The following CLMN variants were observed in gnomAD, a reference collection of about 807,000 sequenced individuals.
The protein encoded by CLMN is calmin (calponin-like, transmembrane).
In CLMN, 57 loss-of-function variants were observed where a neutral mutation model predicts 92.7. That is an observed-to-expected ratio of 0.61 (90% confidence interval 0.50 to 0.77). The LOEUF is 0.77. Among genes scored for constraint, CLMN ranks in the 30% least tolerant of loss-of-function variants. CLMN has a pLI of 0.00. For synonymous variants in CLMN, 466 were observed against 470.6 expected (o/e 0.99, Z 0.13); for missense variants, 1,158 against 1,237.5 (o/e 0.94, Z 0.96).
At chr14:95,279,818 T>G (rs1900076597) in intron 1 of CLMN, among the ~76,000 whole-genome samples, 1 of 152,174 alleles carries the variant, frequency 6.6e-6, no homozygotes, top group Non-Finnish European at 1.5e-5. Context: ...AATCACTTAC[T>G]TACTGGCTTT....
At position 95,215,721 on chromosome 14, in the gene CLMN, T is replaced by C. The variant is rs758823659; in HGVS notation, c.337A>G (p.Ser113Gly). The change falls in exon 5 of 13, where the codon AGC becomes GGC. Residue 113 changes from serine to glycine, a missense_variant. Ser to Gly is a moderately conservative substitution (Grantham distance 56). Coordinates refer to ENST00000298912, the MANE Select transcript of CLMN (RefSeq NM_024734.4). ...FLEDSNVKLVSIDAAEIADGN... is the reference protein window; with the variant it reads ...FLEDSNVKLVGIDAAEIADGN... ...TCTGCTATTTCTGCTGCATCAATGC[T>C]AACCAGTTTTACCTGGAGGGAAGCA... is the stretch of plus-strand genomic sequence containing the variant. 8.1e-6 allele frequency: 13 copies of C among 1,614,004 alleles called. No individual in the cohort carries two copies. The highest frequency in any genetic ancestry group is 1.1e-5 in the Non-Finnish European group (13 of 1,179,982).
chr14:95,287,109 A>G (rs902643307), intron 1 of CLMN, among the ~76,000 whole-genome samples: 1 of 152,110 alleles, frequency 6.6e-6, no homozygotes, highest in Non-Finnish European at 1.5e-5. Flanking sequence ...CTTGCCTCCT[A>G]TCTTCCCTCC....
intron 8 of CLMN, among the ~76,000 whole-genome samples, chr14:95,206,493 A>G (rs1051948159): frequency 2.6e-5 from 4 of 152,240 alleles, no homozygotes; most frequent in African/African-American, 9.6e-5. Context: ...ACATTTACCA[A>G]AAGAAACCAT....
intron 8 of CLMN, 35 bp from the exon 9 acceptor site, chr14:95,204,498 A>C (rs576788272): frequency 6.8e-5 from 103 of 1,520,540 alleles, no homozygotes; most frequent in Non-Finnish European, 8.6e-5. Context: ...AAACAAAAAA[A>C]AACAAAAGAA....
chr14:95,311,598 G>T (rs765995321), intron 1 of CLMN, among the ~76,000 whole-genome samples: 2 of 152,160 alleles, frequency 1.3e-5, no homozygotes, highest in African/African-American at 2.4e-5. Context: ...AGAAGCACTA[G>T]AACACAAGGG....
At chr14:95,237,298 T>G (rs1046170112) in intron 1 of CLMN, among the ~76,000 whole-genome samples, 2 of 152,182 alleles carry the variant, frequency 1.3e-5, no homozygotes, top group African/African-American at 4.8e-5. Flanking sequence ...CCAAGCGCCT[T>G]TAGACAAGTA....
intron 1 of CLMN, among the ~76,000 whole-genome samples, chr14:95,305,734 C>A (rs143115748): frequency 2.6e-5 from 4 of 152,290 alleles, no homozygotes; most frequent in Non-Finnish European, 5.9e-5. Flanking sequence ...CCAGCACCAA[C>A]GCAGGTCACC....
intron 1 of CLMN, among the ~76,000 whole-genome samples, chr14:95,243,318 T>A (rs1046379517): frequency 6.6e-6 from 1 of 152,136 alleles, no homozygotes; most frequent in African/African-American, 2.4e-5. Context: ...GGTGGATTGA[T>A]GGGGTGATAG....
chr14:95,243,665 C>A (rs1898345756), intron 1 of CLMN, among the ~76,000 whole-genome samples: 1 of 150,044 alleles, frequency 6.7e-6, no homozygotes, highest in African/African-American at 2.5e-5. Context: ...AAAAAAAATC[C>A]AAGGTAAAAT....
In CLMN at chr14:95,183,016, C is replaced by T. The variant is rs1021204988; in HGVS notation, c.*8548G>A. 6.6e-6 allele frequency: 1 copy of T among 152,238 alleles called. No homozygotes were observed. Among genetic ancestry groups the T allele is most frequent in the African/African-American group, 2.4e-5 (1 of 41,468 alleles). 9.4% of individuals were successfully genotyped at this position (152,238 alleles called of 1,614,324 possible). ...CTTTGGGCTGATATACAGAGGTACA[C>T]TTGCTTTAAGCAAATAGGCCACTTA... On this transcript the variant is annotated 3_prime_UTR_variant, in exon 13 of 13. Coordinates refer to ENST00000298912, the MANE Select transcript of CLMN (RefSeq NM_024734.4).
intron 2 of CLMN, among the ~76,000 whole-genome samples, chr14:95,228,368 T>C (rs191976143): frequency 2.6e-5 from 4 of 152,228 alleles, no homozygotes; most frequent in South Asian, 4.2e-4. Flanking sequence ...TCAAAACAAC[T>C]GGTTGATGAT....
Position 95,189,616 on chromosome 14 carries a change from G to A in CLMN, c.*1948C>T, listed in dbSNP as rs1256892029. 1 of 152,240 alleles carries A rather than the reference G, an allele frequency of 6.6e-6. No individual in the cohort carries two copies. The highest frequency in any genetic ancestry group is 6.5e-5 in the Admixed American group (1 of 15,290). 9.4% of individuals were successfully genotyped at this position (152,240 alleles called of 1,614,324 possible). A position where few individuals can be genotyped will look rare whatever the true frequency, so the allele number is the denominator to read the frequency against. ...TGAACAAGGTCTAGACCCATAAAATGAAATGATTCACATTTGGGTTGGCTC... is the reference window on the plus strand; with the variant it reads ...TGAACAAGGTCTAGACCCATAAAATAAAATGATTCACATTTGGGTTGGCTC... On this transcript the variant is annotated 3_prime_UTR_variant, in exon 13 of 13. Coordinates refer to ENST00000298912, the MANE Select transcript of CLMN (RefSeq NM_024734.4).
chr14:95,213,382 T>A lies in CLMN; in HGVS notation c.445A>T (p.Arg149Ter). Residue 149 changes from arginine (R) to a stop codon, truncating the protein, a stop_gained, in exon 6 of 13, where the codon AGA becomes TGA. Coordinates refer to ENST00000298912, the MANE Select transcript of CLMN (RefSeq NM_024734.4). LOFTEE classifies it high-confidence loss of function. ...GACAAGCTGGAAGATGGAGAGTTTCTGCTGAGGTTGCCTGTGAGCTCCTTA... is the reference window on the plus strand; with the variant it reads ...GACAAGCTGGAAGATGGAGAGTTTCAGCTGAGGTTGCCTGTGAGCTCCTTA... ...QIKELTGNLS[R>*]NSPSSSLSPG... 1 of 1,610,752 alleles carries A rather than the reference T, an allele frequency of 6.2e-7. No homozygotes were observed. Among genetic ancestry groups the A allele is most frequent in the Admixed American group, 1.7e-5 (1 of 58,980 alleles).
chr14:95,229,540 G>T (rs1177048262), intron 2 of CLMN, among the ~76,000 whole-genome samples: 1 of 152,126 alleles, frequency 6.6e-6, no homozygotes, highest in Admixed American at 6.6e-5. Flanking sequence ...TGATAGGAGG[G>T]GGGTAATTCA....
rs757724639 is a variant in CLMN, at chr14:95,191,765, C to T, written c.2841-33G>A. The T allele has an allele frequency of 6.4e-6, 10 of 1,572,110 alleles. No individual in the cohort carries two copies. The highest frequency in any genetic ancestry group is 8.6e-6 in the Non-Finnish European group (10 of 1,163,368). On this transcript the variant is annotated intron_variant, in intron 12 of 12. Coordinates refer to ENST00000298912, the MANE Select transcript of CLMN (RefSeq NM_024734.4). The surrounding 1 kb of genome is among the most constrained non-coding windows in gnomAD (Gnocchi z 5.3). Reference sequence around the variant, plus strand: ...AGAAACACAGAGGAAACGCAGTTACCAAGCAGGTTCCCAGGAAAGTGGACC... The same window carrying T: ...AGAAACACAGAGGAAACGCAGTTACTAAGCAGGTTCCCAGGAAAGTGGACC...
At chr14:95,318,063 T>C (rs1901873723) in intron 1 of CLMN, among the ~76,000 whole-genome samples, 1 of 152,180 alleles carries the variant, frequency 6.6e-6, no homozygotes, top group East Asian at 1.9e-4. Context: ...AATGTTCATA[T>C]TGCGGGGCAT....
chr14:95,273,599 G>A (rs750404533), intron 1 of CLMN, among the ~76,000 whole-genome samples: 4 of 152,128 alleles, frequency 2.6e-5, no homozygotes, highest in African/African-American at 4.8e-5. Flanking sequence ...TGATGGTGCC[G>A]TAATAACCAC....
chr14:95,319,762 G>A lies in CLMN; in HGVS notation c.31C>T (p.Arg11Cys), dbSNP rs1389241201. 6.3e-7 allele frequency: 1 copy of A among 1,596,526 alleles called. No individual in the cohort carries two copies. ...CTAATCTGCCCGATGAGCTCCTCGC[G>A]TTGGAACCAGTCCCACTCGTGTGCA... MAAHEWDWFQREELIGQISDI... is the reference protein window; with the variant it reads MAAHEWDWFQCEELIGQISDI... The change falls in exon 1 of 13, where the codon CGC becomes TGC. Residue 11 changes from arginine to cysteine, a missense_variant. Transcript: ENST00000298912.
In CLMN at chr14:95,189,141, G is replaced by A. The variant is rs573108451; in HGVS notation, c.*2423C>T. The A allele has an allele frequency of 2.6e-5, 4 of 152,250 alleles. No individual in the cohort carries two copies. Among genetic ancestry groups the A allele is most frequent in the Non-Finnish European group, 5.9e-5 (4 of 68,024 alleles). 9.4% of individuals were successfully genotyped at this position (152,250 alleles called of 1,614,324 possible). ...CTAATAGAAATGTACTAAATGATGT[G>A]ATCTAGCTATACTGGAAAACCAAAG... On this transcript the variant is annotated 3_prime_UTR_variant, in exon 13 of 13. Transcript: ENST00000298912.
Sources: allele counts gnomAD v4.1 joint callset (sites outside exome capture counted in the v4.1 genomes callset), GRCh38; gene constraint gnomAD v4.1.1; non-coding constraint Gnocchi (gnomAD v3.1); transcripts MANE v1.5; gene names NCBI Gene and HGNC (gene_info 2026-07-23, HGNC 2026-07-21).